The following SETD4 variants were observed in gnomAD, a reference collection of about 807,000 sequenced individuals.
SETD4 encodes SET domain-containing protein 4.
A neutral mutation model predicts 58.3 loss-of-function variants in SETD4; 46 were observed. The observed-to-expected ratio is 0.79, with a 90% CI of 0.62 to 1.01. The LOEUF is 1.01. Among genes scored for constraint, SETD4 ranks in the 50% least tolerant of loss-of-function variants. The pLI is 0.00. For synonymous variants in SETD4, 190 were observed against 202.6 expected (o/e 0.94, Z 0.53); for missense variants, 490 against 523.3 (o/e 0.94, Z 0.62).
intron 3 of SETD4, among the ~76,000 whole-genome samples, chr21:36,056,570 G>A (rs900874605): frequency 1.3e-5 from 2 of 152,116 alleles, no homozygotes; most frequent in African/African-American, 4.8e-5. Flanking sequence ...TTTTTTGTTA[G>A]TTTTTTGAGA....
intron 6 of SETD4, 43 bp downstream of exon 6, chr21:36,045,539 T>C: frequency 3.1e-6 from 5 of 1,592,062 alleles, no homozygotes; most frequent in Non-Finnish European, 4.3e-6. Context: ...AGCGGAAGCC[T>C]TCCTATCCAA....
intron 7 of SETD4, chr21:36,042,918 A>G (rs2064132530): frequency 6.6e-6 from 1 of 152,210 alleles, no homozygotes; most frequent in Admixed American, 6.5e-5. Context: ...CCTGGGCAAC[A>G]TAACAAGACA....
chr21:36,045,897 A>T lies in SETD4; in HGVS notation c.411T>A (p.Tyr137Ter). 1 of 1,614,236 alleles carries T rather than the reference A, an allele frequency of 6.2e-7. No individual in the cohort carries two copies. Among genetic ancestry groups the T allele is most frequent in the Non-Finnish European group, 8.5e-7 (1 of 1,180,044 alleles). ...CCGGCTCCAAACAAACAGGGCAGGT[A>T]TACGCCTTGGGTAAAATCTCCAGGT... ...KPYLEILPKAYTCPVCLEPEV... is the reference protein window; with the variant it reads ...KPYLEILPKA The change falls in exon 6 of 12, where the codon TAT becomes TAA. Residue 137 changes from tyrosine (Y) to a stop codon, truncating the protein, a stop_gained. Transcript: ENST00000332131. LOFTEE classifies it high-confidence loss of function.
chr21:36,039,015 G>T (rs185812551), intron 9 of SETD4, among the ~76,000 whole-genome samples: 1 of 152,100 alleles, frequency 6.6e-6, no homozygotes, highest in Non-Finnish European at 1.5e-5. Flanking sequence ...GGGGAGGAAA[G>T]ATGGCTGCTG....
chr21:36,035,970 A>G lies in SETD4; in HGVS notation c.*33-10T>C, dbSNP rs2063761899. The G allele has an allele frequency of 1.8e-6, 2 of 1,123,482 alleles. No individual in the cohort carries two copies. Among genetic ancestry groups the G allele is most frequent in the South Asian group, 3.0e-5 (2 of 66,922 alleles). 69.6% of individuals were successfully genotyped at this position (1,123,482 alleles called of 1,614,324 possible). A position where few individuals can be genotyped will look rare whatever the true frequency, so the allele number is the denominator to read the frequency against. Reference sequence around the variant, plus strand: ...AAATTAACTTTTGTTTCTGTAGGAAAAGCAAAAGGAAAAGGATTAAGTTCC... The same window carrying G: ...AAATTAACTTTTGTTTCTGTAGGAAGAGCAAAAGGAAAAGGATTAAGTTCC... On this transcript the variant is annotated splice_polypyrimidine_tract_variant and intron_variant, in intron 11 of 11. Coordinates refer to ENST00000332131, the MANE Select transcript of SETD4 (RefSeq NM_017438.5).
In SETD4 at chr21:36,036,131, T is replaced by G. The variant is rs1222299202; in HGVS notation, c.1309A>C (p.Thr437Pro). The stretch of plus-strand genomic sequence containing the variant: ...CTTCGGTGAAATCAGGTAAAAGCTG[T>G]TTGCAAACTGTGCAGGGTCTCGGCA... ...ASAETLHSLQTAFT is the reference protein window; with the variant it reads ...ASAETLHSLQPAFT The change falls in exon 11 of 12, where the codon ACA becomes CCA. Residue 437 changes from threonine (T) to proline (P), a missense_variant. Coordinates refer to ENST00000332131, the MANE Select transcript of SETD4 (RefSeq NM_017438.5). The G allele has an allele frequency of 8.7e-6, 14 of 1,614,146 alleles. No individual in the cohort carries two copies. The highest frequency in any genetic ancestry group is 1.2e-5 in the Non-Finnish European group (14 of 1,180,030).
intron 4 of SETD4, chr21:36,050,367 C>T (rs1331834030): frequency 6.2e-7 from 1 of 1,613,774 alleles, no homozygotes; most frequent in East Asian, 2.2e-5. Flanking sequence ...TGAGGTGGTG[C>T]TGACAATGGA....
At chr21:36,050,779 C>A in intron 4 of SETD4, 1 of 1,611,600 alleles carries the variant, frequency 6.2e-7, no homozygotes, top group Non-Finnish European at 8.5e-7. Flanking sequence ...TGCCATGAAG[C>A]GCCATACTTG....
intron 9 of SETD4, 42 bp from the exon 10 acceptor site, chr21:36,038,315 C>CA (rs1568900589): frequency 1.3e-6 from 2 of 1,598,292 alleles, no homozygotes; most frequent in South Asian, 1.1e-5. Context: ...AGCAGGCTCT[C>CA]AAAAAACAGA....
chr21:36,054,167 T>C lies in SETD4; in HGVS notation c.170-547A>G, dbSNP rs889963829. On this transcript the variant is annotated intron_variant, in intron 3 of 11. Transcript: ENST00000332131. ...CTCTCCATGACCTGGTGAGCTCAGCTGGGTAGGTCAGCTCCAGCTGTTCCC... is the reference window on the plus strand; with the variant it reads ...CTCTCCATGACCTGGTGAGCTCAGCCGGGTAGGTCAGCTCCAGCTGTTCCC... 2.6e-5 allele frequency among the ~76,000 whole-genome samples: 4 copies of C among 152,234 alleles called. No individual in the cohort carries two copies. In the East Asian group the frequency reaches 7.7e-4, roughly 29 times the overall value.
At chr21:36,040,099 C>G (rs891296410) in intron 9 of SETD4, among the ~76,000 whole-genome samples, 12 of 152,036 alleles carry the variant, frequency 7.9e-5, no homozygotes, top group African/African-American at 2.9e-4. Context: ...CATGAGGGAG[C>G]CTGGCCAGGA....
chr21:36,045,723 A>C lies in SETD4; in HGVS notation c.585T>G (p.Ser195Arg). 6.2e-7 allele frequency: 1 copy of C among 1,614,216 alleles called. No homozygotes were observed. Among genetic ancestry groups the C allele is most frequent in the South Asian group, 1.1e-5 (1 of 91,086 alleles). Residue 195 changes from serine to arginine, a missense_variant, in exon 6 of 12, where the codon AGT becomes AGG. Ser to Arg is a moderately radical substitution (Grantham distance 110). Coordinates refer to ENST00000332131, the MANE Select transcript of SETD4 (RefSeq NM_017438.5). ...CGGTGCACCAAGCCCACAGCAGGGC[A>C]CTGTAGCTGAAGATGCTGTCAACAG... ...AEAVDSIFSY[S>R]ALLWAWCTVN...
intron 7 of SETD4, chr21:36,042,600 C>T (rs1288510949): frequency 6.6e-6 from 1 of 152,132 alleles, no homozygotes; most frequent in Non-Finnish European, 1.5e-5. Context: ...GGAGTAGTAA[C>T]AGCTTGGCCA....
rs2063744554 is a variant in SETD4, at chr21:36,035,328, C to T, written c.*665G>A. ...CAGAATCAAGCAGACAGGCCCACCA[C>T]GGCCCAGCTGTGCAGGATGAGCCAG... On this transcript the variant is annotated 3_prime_UTR_variant, in exon 12 of 12. Transcript: ENST00000332131. The T allele has an allele frequency of 6.5e-6, 1 of 152,688 alleles. No homozygotes were observed. 9.5% of individuals were successfully genotyped at this position (152,688 alleles called of 1,614,324 possible). A position where few individuals can be genotyped will look rare whatever the true frequency, so the allele number is the denominator to read the frequency against.
intron 2 of SETD4, chr21:36,057,478 C>CT: frequency 1.7e-6 from 1 of 595,540 alleles, no homozygotes; most frequent in Non-Finnish European, 3.1e-6. Flanking sequence ...GACCCCATCT[C>CT]TTAAAAAAAA....
In SETD4 at chr21:36,045,981, C is replaced by G; in HGVS notation, c.327G>C (p.Ala109=). 6.2e-7 allele frequency: 1 copy of G among 1,613,940 alleles called. No homozygotes were observed. The highest frequency in any genetic ancestry group is 8.5e-7 in the Non-Finnish European group (1 of 1,179,976). ...TTTCTGAAACTAAAAAGGTGCACAG[C>G]GCCAGCAGAGGAGATGGAGGAGGCT... is the stretch of plus-strand genomic sequence containing the variant. ...KWKPPPSPLL[A]LCTFLVSEKH... is the part of the protein sequence containing the mutation. The change falls in exon 6 of 12, where the codon GCG becomes GCC. Residue 109 remains alanine, a synonymous_variant. Coordinates refer to ENST00000332131, the MANE Select transcript of SETD4 (RefSeq NM_017438.5).
At chr21:36,038,462 G>A (rs878930057) in intron 9 of SETD4, among the ~76,000 whole-genome samples, 189 bp from the exon 10 acceptor site, 1 of 152,132 alleles carries the variant, frequency 6.6e-6, no homozygotes, top group South Asian at 2.1e-4. Flanking sequence ...GGTAATGAGA[G>A]AGGAGGAGGA....
intron 4 of SETD4, chr21:36,051,348 G>C (rs755414028): frequency 2.2e-5 from 35 of 1,555,804 alleles, no homozygotes; most frequent in Non-Finnish European, 3.1e-5. Flanking sequence ...CCAGCTGCTA[G>C]CCAATGAAAT....
chr21:36,057,057 C>A, intron 3 of SETD4, 52 bp downstream of exon 3: 1 of 1,447,194 alleles, frequency 6.9e-7, no homozygotes, highest in South Asian at 1.1e-5. Flanking sequence ...CCCCTGCTGT[C>A]TACCTGGCTC....
Sources: allele counts gnomAD v4.1 joint callset (sites outside exome capture counted in the v4.1 genomes callset), GRCh38; gene constraint gnomAD v4.1.1; transcripts MANE v1.5; gene names NCBI Gene and HGNC (gene_info 2026-07-23, HGNC 2026-07-21).